RALYL: variants seen among roughly 807,000 people sequenced by gnomAD.
RALYL encodes RNA-binding Raly-like protein.
RALYL carries 29 observed loss-of-function variants against 35.1 expected under a neutral mutation model. The observed-to-expected ratio is 0.83, with a 90% CI of 0.61 to 1.13. The LOEUF is 1.13. RALYL is among the 50% of genes most tolerant of loss of function. The pLI is 0.00. For missense variants in RALYL, 359 were observed against 360.4 expected, an observed-to-expected ratio of 1.00 and a Z score of 0.03; for synonymous variants, 120 against 127.6, an observed-to-expected ratio of 0.94 and a Z score of 0.40.
Position 84,578,418 on chromosome 8 carries a change from C to T in RALYL, c.256+48841C>T, listed in dbSNP as rs181063036. ...TGCAGCTCTTCTTTCCTTCTAGTTG[C>T]CTGCAATGTGGCAAGTCAGGGGTGA... On this transcript the variant is annotated intron_variant, in intron 2 of 8. Transcript: ENST00000521268. Among the ~76,000 whole-genome samples the T allele has an allele frequency of 1.5e-3, 233 of 152,324 alleles. 4 individuals are homozygous for T. Among genetic ancestry groups the T allele is most frequent in the Non-Finnish European group, 4.3e-4 (29 of 68,034 alleles).
intron 1 of RALYL, among the ~76,000 whole-genome samples, chr8:84,297,094 G>T (rs1839899459): frequency 1.3e-5 from 2 of 151,804 alleles, no homozygotes; most frequent in Non-Finnish European, 2.9e-5. Context: ...TCATGTGCAG[G>T]TTATATAGGT....
intron 6 of RALYL, chr8:84,864,895 T>A: frequency 2.6e-6 from 1 of 385,274 alleles, no homozygotes; most frequent in Admixed American, 3.4e-5. Flanking sequence ...TTGAGCATGA[T>A]GCCAGCCCCC....
At chr8:84,830,880 G>A (rs1259559937) in intron 4 of RALYL, among the ~76,000 whole-genome samples, 2 of 152,002 alleles carry the variant, frequency 1.3e-5, no homozygotes, top group African/African-American at 4.8e-5. Context: ...ATAATAAGAA[G>A]AGATTAATAT....
chr8:84,702,494 A>G (rs1278955681), intron 2 of RALYL, among the ~76,000 whole-genome samples: 1 of 151,956 alleles, frequency 6.6e-6, no homozygotes, highest in South Asian at 2.1e-4. Context: ...GACATAATGT[A>G]TATTTAGCAT....
At chr8:84,408,264 G>A (rs1164681360) in intron 1 of RALYL, among the ~76,000 whole-genome samples, 1 of 151,866 alleles carries the variant, frequency 6.6e-6, no homozygotes, top group African/African-American at 2.4e-5. Flanking sequence ...GCTTAAATAT[G>A]CACTTTAATT....
chr8:84,773,911 CTCTTTT>C (rs372794872), intron 2 of RALYL, among the ~76,000 whole-genome samples: 21 of 152,250 alleles, frequency 1.4e-4, no homozygotes, highest in African/African-American at 5.1e-4. Flanking sequence ...ACATTTCATT[CTCTTTT>C]TGTTTCATGA....
At chr8:84,909,144 T>C (rs1252190006) in intron 8 of RALYL, among the ~76,000 whole-genome samples, 1 of 152,132 alleles carries the variant, frequency 6.6e-6, no homozygotes, top group Non-Finnish European at 1.5e-5. Context: ...AATAGGATAT[T>C]GCCTTCTCAA....
intron 8 of RALYL, chr8:84,906,941 A>G (rs1349403203): frequency 6.1e-6 from 6 of 985,036 alleles, no homozygotes; most frequent in African/African-American, 3.5e-5. Context: ...GTCTCTGAAT[A>G]TGGAAAATCA....
intron 3 of RALYL, among the ~76,000 whole-genome samples, chr8:84,787,427 G>T (rs556484209): frequency 6.6e-6 from 1 of 152,266 alleles, no homozygotes; most frequent in South Asian, 2.1e-4. Flanking sequence ...ATTACTGAAG[G>T]GCATTTGGGT....
chr8:84,804,362 G>T (rs944837807), intron 3 of RALYL, among the ~76,000 whole-genome samples: 9 of 152,114 alleles, frequency 5.9e-5, no homozygotes, highest in African/African-American at 2.2e-4. Flanking sequence ...GAGTAAATCA[G>T]TTATTCAACT....
intron 1 of RALYL, among the ~76,000 whole-genome samples, chr8:84,404,580 T>G (rs944396333): frequency 6.6e-6 from 1 of 152,174 alleles, no homozygotes; most frequent in Non-Finnish European, 1.5e-5. Context: ...TGCCAGTATT[T>G]TATTGAGGAA....
chr8:84,293,967 A>G (rs1839282681), intron 1 of RALYL, among the ~76,000 whole-genome samples: 1 of 151,986 alleles, frequency 6.6e-6, no homozygotes, highest in Admixed American at 6.6e-5. Flanking sequence ...CTGTAACATT[A>G]TTTTTCTGAG....
At chr8:84,531,855 T>C (rs78479375) in intron 2 of RALYL, among the ~76,000 whole-genome samples, 4,465 of 152,060 alleles carry the variant, frequency 0.029, 109 homozygotes, top group Middle Eastern at 0.078. Context: ...CAAAGATAAA[T>C]ACCACACTAA....
intron 1 of RALYL, among the ~76,000 whole-genome samples, chr8:84,217,991 A>T (rs764930941): frequency 1.5e-4 from 23 of 151,884 alleles, no homozygotes; most frequent in South Asian, 4.1e-4. Context: ...AACATTTAAG[A>T]TTTTTTTTCT....
intron 2 of RALYL, among the ~76,000 whole-genome samples, chr8:84,729,830 C>G (rs988587573): frequency 2.0e-5 from 3 of 152,070 alleles, no homozygotes; most frequent in Admixed American, 6.6e-5. Context: ...CAAGACTAAA[C>G]CAGGAAGAAT....
chr8:84,347,509 G>T (rs966532341), intron 1 of RALYL, among the ~76,000 whole-genome samples: 2 of 151,870 alleles, frequency 1.3e-5, no homozygotes, highest in African/African-American at 4.8e-5. Context: ...TTCCTAATCT[G>T]CCCTCTCTAA....
intron 2 of RALYL, among the ~76,000 whole-genome samples, chr8:84,580,482 A>G (rs1730825): frequency 1.3e-5 from 2 of 152,130 alleles, no homozygotes; most frequent in Non-Finnish European, 2.9e-5. Context: ...GTGCCAGGCT[A>G]TTTTAAACAA....
At chr8:84,697,519 T>G (rs1839383441) in intron 2 of RALYL, among the ~76,000 whole-genome samples, 2 of 152,072 alleles carry the variant, frequency 1.3e-5, no homozygotes, top group Non-Finnish European at 2.9e-5. Context: ...ATATTATCAT[T>G]TCAGTGGACT....
chr8:84,746,160 A>G (rs1189152417), intron 2 of RALYL, among the ~76,000 whole-genome samples: 2 of 152,180 alleles, frequency 1.3e-5, no homozygotes, highest in South Asian at 2.1e-4. Flanking sequence ...CTCCAAAGAC[A>G]GAAGATGCCT....
Sources: allele counts gnomAD v4.1 joint callset (sites outside exome capture counted in the v4.1 genomes callset), GRCh38; gene constraint gnomAD v4.1.1; transcripts MANE v1.5; gene names NCBI Gene and HGNC (gene_info 2026-07-23, HGNC 2026-07-21).